The following GLIS3 variants were observed in gnomAD, a reference collection of about 807,000 sequenced individuals.
GLIS3 encodes zinc finger protein GLIS3.
Under a neutral mutation model 78.6 loss-of-function variants are expected in GLIS3, and 53 were observed. The ratio of observed to expected loss-of-function variants is 0.67; its 90% confidence interval spans 0.54 to 0.85. The LOEUF (loss-of-function observed/expected upper bound fraction) is 0.85. GLIS3 is among the 40% of genes least tolerant of loss of function. GLIS3 has a pLI of 0.00. For missense variants in GLIS3, 1,703 were observed against 1,231.1 expected (o/e 1.38, Z -5.74); for synonymous variants, 684 against 509.9 (o/e 1.34, Z -4.60).
At chr9:4,434,118 G>A in the GLIS3 span, among the ~76,000 whole-genome samples, 8 of 151,082 alleles carry the variant, frequency 5.3e-5, no homozygotes, top group African/African-American at 1.9e-4. Flanking sequence ...AAAAAGAATG[G>A]TCTACCTAAA....
At chr9:4,034,732 C>G (rs1272016037) in intron 4 of GLIS3, 3 of 152,188 alleles carry the variant, frequency 2.0e-5, no homozygotes, top group African/African-American at 7.2e-5. Context: ...CCTCAGGAGC[C>G]CTTTAACCTC....
chr9:4,422,523 G>A, the GLIS3 span, among the ~76,000 whole-genome samples: 1 of 152,154 alleles, frequency 6.6e-6, no homozygotes, highest in African/African-American at 2.4e-5. Flanking sequence ...GTTTCCCCTG[G>A]AAAATATCAC....
At chr9:4,219,982 G>T (rs977696360) in intron 2 of GLIS3, among the ~76,000 whole-genome samples, 1 of 152,162 alleles carries the variant, frequency 6.6e-6, no homozygotes, top group Non-Finnish European at 1.5e-5. Context: ...CAGAGCTAAG[G>T]CAAGAAAGCA....
chr9:3,872,781 G>A (rs1821050992), intron 8 of GLIS3, among the ~76,000 whole-genome samples: 1 of 152,150 alleles, frequency 6.6e-6, no homozygotes, highest in African/African-American at 2.4e-5. Flanking sequence ...CAAAAGCAGT[G>A]CTAAAAGGGA....
chr9:4,220,924 G>T (rs570690349), intron 2 of GLIS3, among the ~76,000 whole-genome samples: 2 of 152,068 alleles, frequency 1.3e-5, no homozygotes, highest in African/African-American at 2.4e-5. Flanking sequence ...GGTGGAGGTT[G>T]CAGTGAGCCA....
chr9:4,305,153 C>A (rs1015954705), intron 4 of GLIS3: 1 of 152,220 alleles, frequency 6.6e-6, no homozygotes, highest in African/African-American at 2.4e-5. Flanking sequence ...TCACCCAACT[C>A]ATGTGGGACT....
At chr9:4,397,663 A>G in the GLIS3 span, among the ~76,000 whole-genome samples, 2,243 of 108,232 alleles carry the variant, frequency 0.021, 78 homozygotes, top group African/African-American at 0.079. Flanking sequence ...AAAGGAAGGA[A>G]GGAAGGGAGG....
At chr9:4,055,749 C>T (rs540359168) in intron 4 of GLIS3, among the ~76,000 whole-genome samples, 1 of 152,196 alleles carries the variant, frequency 6.6e-6, no homozygotes, top group Non-Finnish European at 1.5e-5. Context: ...GGATCAACCA[C>T]AGCAAGCTGG....
chr9:4,419,245 A>G, the GLIS3 span, among the ~76,000 whole-genome samples: 1 of 152,168 alleles, frequency 6.6e-6, no homozygotes, highest in South Asian at 2.1e-4. Flanking sequence ...AACAGCTGCT[A>G]ATCTCTTTTG....
At chr9:3,954,885 T>C (rs566602134) in intron 4 of GLIS3, among the ~76,000 whole-genome samples, 4 of 152,332 alleles carry the variant, frequency 2.6e-5, no homozygotes, top group Admixed American at 2.6e-4. Context: ...GCTGAAAACA[T>C]GCCTTTGACG....
chr9:3,960,561 C>A (rs1408464500), intron 4 of GLIS3, among the ~76,000 whole-genome samples: 1 of 152,222 alleles, frequency 6.6e-6, no homozygotes, highest in Admixed American at 6.5e-5. Context: ...CTTTGACACT[C>A]AGGATGATCC....
chr9:4,023,056 A>G (rs1265091989), intron 4 of GLIS3, among the ~76,000 whole-genome samples: 1 of 152,212 alleles, frequency 6.6e-6, no homozygotes, highest in Non-Finnish European at 1.5e-5. Context: ...AAAGAATGTA[A>G]TTTACTATAC....
At chr9:3,956,973 G>C (rs1274170311) in intron 4 of GLIS3, among the ~76,000 whole-genome samples, 2 of 152,174 alleles carry the variant, frequency 1.3e-5, no homozygotes, top group African/African-American at 4.8e-5. Flanking sequence ...AATCGTCTAA[G>C]AGCTCCATCC....
At chr9:4,407,565 A>T in the GLIS3 span, among the ~76,000 whole-genome samples, 18 of 152,254 alleles carry the variant, frequency 1.2e-4, no homozygotes, top group Non-Finnish European at 2.1e-4. Context: ...GAGAATGGCG[A>T]GAACCCGGGA....
rs751231636 is a variant in GLIS3, at chr9:4,117,914, C to T, written c.1564G>A (p.Glu522Lys). 3 of 1,614,134 alleles carry T rather than the reference C, an allele frequency of 1.9e-6. No individual in the cohort carries two copies. The highest frequency in any genetic ancestry group is 2.5e-6 in the Non-Finnish European group (3 of 1,180,032). The change falls in exon 4 of 11, where the codon GAG becomes AAG. Residue 522 changes from glutamate to lysine, a missense_variant. By Grantham distance (56) the Glu-to-Lys change is moderately conservative. Transcript: ENST00000381971. Reference sequence around the variant, plus strand: ...TTGCGCTGGTCGATGTGGACCTTCTCGATGTGCCGCACGAGCTCCTCCTGC... The same window carrying T: ...TTGCGCTGGTCGATGTGGACCTTCTTGATGTGCCGCACGAGCTCCTCCTGC... ...DQQEELVRHI[E>K]KVHIDQRKGE...
Position 3,852,376 on chromosome 9 carries a change from A to T in GLIS3, c.2473+3633T>A, listed in dbSNP as rs192410095. 4.7e-4 allele frequency among the ~76,000 whole-genome samples: 72 copies of T among 152,298 alleles called. 1 individual carries two copies. The highest frequency in any genetic ancestry group is 3.7e-3 in the Admixed American group (56 of 15,302). ...AAACCACGAAGTTTTTGAAAGAGAG[A>T]ACAAACACTCACTTGAGCTATTGCA... is the stretch of plus-strand genomic sequence containing the variant. On this transcript the variant is annotated intron_variant, in intron 9 of 10. Coordinates refer to ENST00000381971, the MANE Select transcript of GLIS3 (RefSeq NM_001042413.2).
At chr9:3,937,642 T>C (rs1406090613) in intron 4 of GLIS3, among the ~76,000 whole-genome samples, 2 of 152,074 alleles carry the variant, frequency 1.3e-5, no homozygotes, top group Non-Finnish European at 2.9e-5. Flanking sequence ...AAAAGGAGAA[T>C]TGAAGATTTG....
intron 2 of GLIS3, among the ~76,000 whole-genome samples, chr9:4,136,142 A>G (rs1460317352): frequency 6.6e-6 from 1 of 152,202 alleles, no homozygotes. Flanking sequence ...TATGGAAGGT[A>G]AGGAATGCTG....
At chr9:3,962,029 A>T (rs548139190) in intron 4 of GLIS3, among the ~76,000 whole-genome samples, 1 of 152,170 alleles carries the variant, frequency 6.6e-6, no homozygotes, top group Non-Finnish European at 1.5e-5. Flanking sequence ...AAATAGTGAG[A>T]TCCTGTCTCT....
Sources: gnomAD v4.1 joint callset for allele counts (sites outside exome capture counted in the v4.1 genomes callset) on GRCh38, gnomAD v4.1.1 for gene constraint, MANE v1.5 for transcripts, NCBI Gene and HGNC (gene_info 2026-07-23, HGNC 2026-07-21) for gene names.